Variants in ACYP2 observed in about 807,000 individuals in gnomAD.
The protein encoded by ACYP2 is acylphosphatase-2.
Under a neutral mutation model 11.2 loss-of-function variants are expected in ACYP2, and 12 were observed. The observed-to-expected ratio is 1.08, with a 90% CI of 0.69 to 1.74. The LOEUF (loss-of-function observed/expected upper bound fraction) is 1.74. ACYP2 is among the 40% of genes most tolerant of loss of function. The probability of loss-of-function intolerance (pLI) is 0.00; values close to 1 mark genes in which losing one functional copy is unlikely to be tolerated. For missense variants in ACYP2, 134 were observed against 101.9 expected (o/e 1.31, Z -1.35); for synonymous variants, 43 against 32.2 (o/e 1.33, Z -1.13).
intron 6 of ACYP2, among the ~76,000 whole-genome samples, chr2:54,151,104 G>A (rs1177290739): frequency 6.6e-6 from 1 of 152,138 alleles, no homozygotes; most frequent in Non-Finnish European, 1.5e-5. Context: ...CATAGTTCAA[G>A]AGTTAGAATT....
chr2:54,035,688 T>A (rs1674861162), intron 2 of ACYP2, among the ~76,000 whole-genome samples: 1 of 152,212 alleles, frequency 6.6e-6, no homozygotes, highest in Admixed American at 6.5e-5. Context: ...ATTCTAGGAT[T>A]AGAATGGCTA....
chr2:53,982,692 A>G (rs1209818210), intron 2 of ACYP2, among the ~76,000 whole-genome samples: 1 of 152,138 alleles, frequency 6.6e-6, no homozygotes, highest in Non-Finnish European at 1.5e-5. Flanking sequence ...GACTCTTGCT[A>G]AACTACCCCT....
chr2:54,174,878 C>CCTACTTGAT (rs1335821295), intron 6 of ACYP2, among the ~76,000 whole-genome samples: 15 of 152,270 alleles, frequency 9.9e-5, no homozygotes, highest in South Asian at 6.2e-4. Context: ...AGGGATGAAG[C>CCTACTTGAT]CTACTTGATC....
At chr2:54,180,737 G>C (rs1487421094) in intron 6 of ACYP2, among the ~76,000 whole-genome samples, 2 of 151,972 alleles carry the variant, frequency 1.3e-5, no homozygotes, top group Non-Finnish European at 2.9e-5. Context: ...GTATTTTTTT[G>C]TAGAGATGGG....
chr2:54,256,640 CTG>C (rs1687552466), intron 6 of ACYP2, among the ~76,000 whole-genome samples: 1 of 152,128 alleles, frequency 6.6e-6, no homozygotes, highest in African/African-American at 2.4e-5. Flanking sequence ...TCCTCCCACT[CTG>C]TGGGGTTACT....
chr2:54,090,107 T>G (rs1005315985), intron 4 of ACYP2, among the ~76,000 whole-genome samples: 5 of 150,974 alleles, frequency 3.3e-5, no homozygotes, highest in Admixed American at 6.6e-5. Flanking sequence ...ATCACACCAC[T>G]GCACTCCAGC....
At chr2:54,154,486 A>T (rs536916985) in intron 6 of ACYP2, among the ~76,000 whole-genome samples, 1 of 152,310 alleles carries the variant, frequency 6.6e-6, no homozygotes, top group South Asian at 2.1e-4. Flanking sequence ...TAGTGAAAGG[A>T]TGTTGAATTT....
chr2:54,173,949 T>C (rs55801625), intron 6 of ACYP2, among the ~76,000 whole-genome samples: 6,159 of 152,242 alleles, frequency 0.04, 394 homozygotes, highest in African/African-American at 0.14. Context: ...GTAGTGTAGT[T>C]TGAAGTCAGG....
intron 2 of ACYP2, among the ~76,000 whole-genome samples, chr2:54,017,339 T>C (rs546110522): frequency 1.3e-5 from 2 of 148,612 alleles, no homozygotes; most frequent in East Asian, 4.1e-4. Context: ...TACTGCAGCC[T>C]CTGCCACCCG....
intron 6 of ACYP2, among the ~76,000 whole-genome samples, chr2:54,201,649 T>TCTTTTC (rs1491416583): frequency 4.2e-5 from 4 of 94,746 alleles, no homozygotes; most frequent in Non-Finnish European, 6.6e-5. Context: ...TTTCTTTCTT[T>TCTTTTC]CTTTCTTTCT....
intron 6 of ACYP2, among the ~76,000 whole-genome samples, chr2:54,257,334 C>A (rs1488616515): frequency 6.6e-6 from 1 of 152,178 alleles, no homozygotes; most frequent in Non-Finnish European, 1.5e-5. Context: ...ATATGAATAT[C>A]TAATTGACCC....
At chr2:54,250,839 T>C (rs907784414) in intron 6 of ACYP2, among the ~76,000 whole-genome samples, 1 of 152,244 alleles carries the variant, frequency 6.6e-6, no homozygotes, top group Non-Finnish European at 1.5e-5. Flanking sequence ...TTGGTACTAA[T>C]ACTGTAATTG....
intron 2 of ACYP2, among the ~76,000 whole-genome samples, chr2:54,016,927 G>A (rs1244603392): frequency 4.6e-5 from 7 of 151,890 alleles, no homozygotes; most frequent in Admixed American, 1.3e-4. Flanking sequence ...GGGTTTCACC[G>A]TGTTAGCCAG....
chr2:54,228,947 T>C (rs901541102), intron 6 of ACYP2, among the ~76,000 whole-genome samples: 1 of 152,116 alleles, frequency 6.6e-6, no homozygotes, highest in Non-Finnish European at 1.5e-5. Context: ...TAATTCAAAG[T>C]AGAGGCAGCA....
chr2:54,040,367 ATAATAT>A lies in ACYP2; in HGVS notation c.63-10587_63-10582del, dbSNP rs551964191. On this transcript the variant is annotated intron_variant, in intron 2 of 6. Coordinates refer to ENST00000607452, the MANE Select transcript of ACYP2 (RefSeq NM_001320586.2). Reference sequence around the variant, plus strand: ...ACTTGAGATGTCTTTTATTCAAGTGATAATATTAAGGAGGCAGCTGGATATGTGAAT... The same window carrying A: ...ACTTGAGATGTCTTTTATTCAAGTGATAAGGAGGCAGCTGGATATGTGAAT... Among the ~76,000 whole-genome samples the A allele has an allele frequency of 1.2e-4, 18 of 152,266 alleles. No individual in the cohort carries two copies. The South Asian group carries it at 3.3e-3, about 28-fold the overall frequency.
At chr2:54,096,262 A>T (rs1177965648) in intron 4 of ACYP2, among the ~76,000 whole-genome samples, 16 of 134,466 alleles carry the variant, frequency 1.2e-4, no homozygotes, top group African/African-American at 4.7e-4. Flanking sequence ...CGCTCCCCAC[A>T]TCTCAGACGA....
chr2:54,295,151 A>AT (rs1689475004), intron 6 of ACYP2, among the ~76,000 whole-genome samples: 1 of 152,206 alleles, frequency 6.6e-6, no homozygotes, highest in Non-Finnish European at 1.5e-5. Context: ...GGGTAAAGCC[A>AT]GTTACCATGT....
At chr2:54,169,141 T>A (rs1295332244) in intron 6 of ACYP2, among the ~76,000 whole-genome samples, 1 of 152,218 alleles carries the variant, frequency 6.6e-6, no homozygotes, top group Non-Finnish European at 1.5e-5. Flanking sequence ...TGGAAGCTAT[T>A]TAGCAGAGGT....
chr2:54,173,439 T>G (rs1358871243), intron 6 of ACYP2, among the ~76,000 whole-genome samples: 1 of 152,236 alleles, frequency 6.6e-6, no homozygotes, highest in African/African-American at 2.4e-5. Flanking sequence ...ATTCTGGATA[T>G]TAGCCCTTTG....
Sources: gnomAD v4.1 joint callset for allele counts (sites outside exome capture counted in the v4.1 genomes callset) on GRCh38, gnomAD v4.1.1 for gene constraint, MANE v1.5 for transcripts, NCBI Gene and HGNC (gene_info 2026-07-23, HGNC 2026-07-21) for gene names.